The following LAX1 variants were observed in gnomAD, a reference collection of about 807,000 sequenced individuals.
The protein encoded by LAX1 is lymphocyte transmembrane adaptor 1.
A neutral mutation model predicts 20.7 loss-of-function variants in LAX1; 17 were observed. The ratio of observed to expected loss-of-function variants is 0.82; its 90% CI spans 0.56 to 1.23. LAX1 has a LOEUF of 1.23. Among genes scored for constraint, LAX1 ranks in the 50% most tolerant of loss-of-function variants. The probability of loss-of-function intolerance (pLI) is 0.00; values close to 1 mark genes in which losing one functional copy is unlikely to be tolerated. For missense variants in LAX1, 470 were observed against 487.0 expected, an observed-to-expected ratio of 0.97 and a Z score of 0.33; for synonymous variants, 165 against 181.0, an observed-to-expected ratio of 0.91 and a Z score of 0.71.
intron 1 of LAX1, among the ~76,000 whole-genome samples, chr1:203,770,489 G>A (rs1375068511): frequency 4.5e-4 from 33 of 73,890 alleles, no homozygotes; most frequent in Middle Eastern, 5.7e-3. Context: ...AAGGAAGGAA[G>A]GAAGGAAGGA....
Position 203,765,569 on chromosome 1 carries a change from G to C in LAX1, c.4G>C (p.Asp2His). 1 of 1,614,158 alleles carries C rather than the reference G, an allele frequency of 6.2e-7. No homozygotes were observed. The highest frequency in any genetic ancestry group is 8.5e-7 in the Non-Finnish European group (1 of 1,180,022). Residue 2 changes from aspartate (D) to histidine (H), a missense_variant, in exon 1 of 5, where the codon GAT becomes CAT. Asp to His is a moderately conservative substitution (Grantham distance 81). Coordinates refer to ENST00000442561, the MANE Select transcript of LAX1 (RefSeq NM_017773.4). ...CATCTCAAAGGTTCCTGATACAATGGATGGTGTCACTCCAACCCTTTCGAC... is the reference window on the plus strand; with the variant it reads ...CATCTCAAAGGTTCCTGATACAATGCATGGTGTCACTCCAACCCTTTCGAC... M[D>H]GVTPTLSTIR...
intron 1 of LAX1, 114 bp downstream of exon 1, chr1:203,765,768 G>C (rs572695793): frequency 2.0e-6 from 2 of 975,992 alleles, no homozygotes; most frequent in Non-Finnish European, 1.6e-6. Flanking sequence ...ACCCAGGCTC[G>C]GTCTACTAAA....
At chr1:203,766,967 T>C (rs1370067749) in intron 1 of LAX1, among the ~76,000 whole-genome samples, 1 of 152,092 alleles carries the variant, frequency 6.6e-6, no homozygotes, top group Non-Finnish European at 1.5e-5. Context: ...GCTATTCTCC[T>C]GCTTCAGCCT....
chr1:203,773,232 T>C (rs1667449978), intron 4 of LAX1, among the ~76,000 whole-genome samples: 1 of 152,164 alleles, frequency 6.6e-6, no homozygotes, highest in South Asian at 2.1e-4. Flanking sequence ...GAGGTTGTTA[T>C]AGGACCAACA....
intron 3 of LAX1, 86 bp downstream of exon 3, chr1:203,771,563 C>A: frequency 1.2e-6 from 1 of 853,320 alleles, no homozygotes; most frequent in Non-Finnish European, 2.0e-6. Context: ...AAGCAATTTT[C>A]TTTAAGTTCT....
intron 2 of LAX1, 76 bp downstream of exon 2, chr1:203,771,013 T>C: frequency 8.3e-7 from 1 of 1,200,622 alleles, no homozygotes; most frequent in Non-Finnish European, 1.2e-6. Context: ...CCCAGCTTAT[T>C]TACCAGGGAT....
At chr1:203,768,533 T>C (rs1667341094) in intron 1 of LAX1, among the ~76,000 whole-genome samples, 1 of 152,152 alleles carries the variant, frequency 6.6e-6, no homozygotes. Context: ...AACTGTGCTC[T>C]GCATGGGCAA....
chr1:203,770,463 A>AGAGAG (rs58360126), intron 1 of LAX1, among the ~76,000 whole-genome samples: 2 of 11,440 alleles, frequency 1.7e-4, no homozygotes, highest in Non-Finnish European at 3.8e-4. Flanking sequence ...GAAAGGAAGG[A>AGAGAG]AGGAAGGAAG....
rs1476366879 is a variant in LAX1, at chr1:203,774,223, C to G, written c.739C>G (p.Pro247Ala). ...TGGTGACTGCACCAGTTTGTATTCT[C>G]CAGGAGCTGAGGACAGTGATTCACT... ...DAGDCTSLYS[P>A]GAEDSDSLSN... The change falls in exon 5 of 5, where the codon CCA becomes GCA. Residue 247 changes from proline to alanine, a missense_variant. Coordinates refer to ENST00000442561, the MANE Select transcript of LAX1 (RefSeq NM_017773.4). 1.9e-6 allele frequency: 3 copies of G among 1,614,128 alleles called. No homozygotes were observed. The highest frequency in any genetic ancestry group is 2.5e-6 in the Non-Finnish European group (3 of 1,180,026).
intron 1 of LAX1, among the ~76,000 whole-genome samples, chr1:203,770,498 GAAGGAAGGAAGGAAGAAAGA>G (rs1328414172): frequency 6.0e-4 from 21 of 35,058 alleles, no homozygotes; most frequent in Admixed American, 8.8e-4. Context: ...AGGAAGGAAG[GAAGGAAGGAAGGAAGAAAGA>G]AAGAAAGAAA....
chr1:203,773,301 A>G (rs572918405), intron 4 of LAX1, among the ~76,000 whole-genome samples: 1 of 152,128 alleles, frequency 6.6e-6, no homozygotes, highest in African/African-American at 2.4e-5. Context: ...AAAATACAAA[A>G]TATTAGTCGG....
chr1:203,773,787 G>A (rs6697274), intron 4 of LAX1, 88 bp from the exon 5 acceptor site: 62,126 of 161,450 alleles, frequency 0.38, 10,332 homozygotes, highest in Middle Eastern at 0.44. Flanking sequence ...TTTTTTTTCA[G>A]AATATGCCAG....
Position 203,774,777 on chromosome 1 carries a change from C to T in LAX1, c.*96C>T. ...GTGCAGACCCGTGATCACCTTAGTG[C>T]TTCAGTGGATTCACTGGTTAGATTA... On this transcript the variant is annotated 3_prime_UTR_variant, in exon 5 of 5. Transcript: ENST00000442561. 1 of 970,528 alleles carries T rather than the reference C, an allele frequency of 1.0e-6. No homozygotes were observed. The highest frequency in any genetic ancestry group is 3.3e-4 in the Middle Eastern group (1 of 2,994). The allele number at this position is 970,528 out of a possible 1,614,324, so 60.1% of individuals were successfully genotyped here.
intron 1 of LAX1, among the ~76,000 whole-genome samples, chr1:203,768,240 G>A (rs550549764): frequency 2.0e-5 from 3 of 152,308 alleles, no homozygotes; most frequent in South Asian, 2.1e-4. Context: ...GGACCCAGGA[G>A]GGGGAGGTTG....
chr1:203,767,017 G>A (rs532146211), intron 1 of LAX1, among the ~76,000 whole-genome samples: 6 of 151,826 alleles, frequency 4.0e-5, no homozygotes, highest in Admixed American at 6.6e-5. Context: ...CACCACCCGC[G>A]GCTAACTTTT....
chr1:203,765,543 G>T lies in LAX1; in HGVS notation c.-23G>T. The T allele has an allele frequency of 6.2e-7, 1 of 1,614,066 alleles. No individual in the cohort carries two copies. Among genetic ancestry groups the T allele is most frequent in the Non-Finnish European group, 8.5e-7 (1 of 1,179,994 alleles). ...GAAACTTAGAAGCTGAAGCCAGAGA[G>T]CATCTCAAAGGTTCCTGATACAATG... On this transcript the variant is annotated 5_prime_UTR_variant, in exon 1 of 5. Coordinates refer to ENST00000442561, the MANE Select transcript of LAX1 (RefSeq NM_017773.4).
At chr1:203,768,577 G>T (rs1043579737) in intron 1 of LAX1, among the ~76,000 whole-genome samples, 2 of 152,176 alleles carry the variant, frequency 1.3e-5, no homozygotes, top group African/African-American at 2.4e-5. Flanking sequence ...AGGGAAAGTG[G>T]TAGGAAATAA....
At chr1:203,771,976 C>A in intron 3 of LAX1, 92 bp from the exon 4 acceptor site, 3 of 1,055,954 alleles carry the variant, frequency 2.8e-6, no homozygotes, top group Admixed American at 3.4e-5. Flanking sequence ...CCAGACACCA[C>A]GCAAACCCGC....
At position 203,771,458 on chromosome 1, in the gene LAX1, T is replaced by G; in HGVS notation, c.291T>G (p.Pro97=). ...CCAAAAATATTTATGACATCTTGCCTTGGCGACAGGAAGACCTGGGTAGGT... is the reference window on the plus strand; with the variant it reads ...CCAAAAATATTTATGACATCTTGCCGTGGCGACAGGAAGACCTGGGTAGGT... ...QRAKNIYDIL[P]WRQEDLGRHE... Residue 97 remains proline, a synonymous_variant, in exon 3 of 5, where the codon CCT becomes CCG. Transcript: ENST00000442561. 6.2e-7 allele frequency: 1 copy of G among 1,610,392 alleles called. No individual in the cohort carries two copies. Among genetic ancestry groups the G allele is most frequent in the Non-Finnish European group, 8.5e-7 (1 of 1,176,618 alleles).
Sources: gnomAD v4.1 joint callset for allele counts (sites outside exome capture counted in the v4.1 genomes callset) on GRCh38, gnomAD v4.1.1 for gene constraint, MANE v1.5 for transcripts, NCBI Gene and HGNC (gene_info 2026-07-23, HGNC 2026-07-21) for gene names.